Variants in NRP1 observed in about 807,000 individuals in gnomAD.
NRP1 encodes neuropilin-1.
Under a neutral mutation model 106.7 loss-of-function variants are expected in NRP1, and 35 were observed. That is an observed-to-expected ratio of 0.33 (90% CI 0.25 to 0.43). NRP1 has a LOEUF of 0.43. Among genes scored for constraint, NRP1 ranks in the 20% least tolerant of loss-of-function variants. The pLI, the probability that NRP1 is intolerant of heterozygous loss-of-function variation, is 1.00. For missense variants in NRP1, 1,024 were observed against 1,170.4 expected (o/e 0.87, Z 1.83); for synonymous variants, 437 against 417.9 (o/e 1.05, Z -0.56).
intron 6 of NRP1, among the ~76,000 whole-genome samples, chr10:33,242,598 T>G (rs1841106247): frequency 6.6e-6 from 1 of 152,220 alleles, no homozygotes; most frequent in Non-Finnish European, 1.5e-5. Context: ...CAAAAAATTT[T>G]TCTTCAGTAT....
intron 10 of NRP1, among the ~76,000 whole-genome samples, chr10:33,206,794 G>A (rs910331476): frequency 6.6e-6 from 1 of 152,068 alleles, no homozygotes; most frequent in Non-Finnish European, 1.5e-5. Context: ...TATATTAAAC[G>A]GTACAATAAC....
chr10:33,268,920 C>T (rs1235945385), intron 3 of NRP1, among the ~76,000 whole-genome samples: 1 of 152,162 alleles, frequency 6.6e-6, no homozygotes, highest in East Asian at 1.9e-4. Flanking sequence ...CATCTATTCC[C>T]TATTTATGTG....
intron 16 of NRP1, among the ~76,000 whole-genome samples, chr10:33,180,797 C>T (rs1588674299): frequency 1.3e-5 from 2 of 152,208 alleles, no homozygotes; most frequent in Non-Finnish European, 2.9e-5. Flanking sequence ...TTCATGGCTG[C>T]CCTTCTACGT....
intron 6 of NRP1, among the ~76,000 whole-genome samples, chr10:33,243,163 A>G (rs7920615): frequency 0.47 from 71,664 of 151,920 alleles, 19,348 homozygotes; most frequent in African/African-American, 0.74. Context: ...CCGCGAGTGA[A>G]GTTTCTATGT....
At chr10:33,321,535 T>C (rs186747406) in intron 2 of NRP1, among the ~76,000 whole-genome samples, 2 of 152,356 alleles carry the variant, frequency 1.3e-5, no homozygotes, top group East Asian at 3.9e-4. Flanking sequence ...TTTTTTAATC[T>C]TTAAGTCAAG....
chr10:33,209,268 G>T (rs1345934664), intron 9 of NRP1, among the ~76,000 whole-genome samples: 1 of 152,134 alleles, frequency 6.6e-6, no homozygotes, highest in Non-Finnish European at 1.5e-5. Flanking sequence ...ACAAATGAAG[G>T]TAAATTCTCC....
At chr10:33,251,873 G>C (rs368650893) in intron 6 of NRP1, among the ~76,000 whole-genome samples, 2 of 152,058 alleles carry the variant, frequency 1.3e-5, no homozygotes, top group Non-Finnish European at 2.9e-5. Context: ...GCAAGAGCGC[G>C]GTCCCTTTAA....
At chr10:33,326,917 TG>T (rs749142782) in intron 2 of NRP1, among the ~76,000 whole-genome samples, 2 of 152,214 alleles carry the variant, frequency 1.3e-5, no homozygotes, top group Admixed American at 6.5e-5. Flanking sequence ...TATGAAATGA[TG>T]TTTTTTACCT....
At position 33,177,812 on chromosome 10, in the gene NRP1, A is replaced by T. The variant is rs1357413735; in HGVS notation, c.*2264T>A. 1 of 152,628 alleles carries T rather than the reference A, an allele frequency of 6.6e-6. No individual in the cohort carries two copies. The highest frequency in any genetic ancestry group is 1.5e-5 in the Non-Finnish European group (1 of 68,042). 9.5% of individuals were successfully genotyped at this position (152,628 alleles called of 1,614,324 possible). A position where few individuals can be genotyped will look rare whatever the true frequency, so the allele number is the denominator to read the frequency against. On this transcript the variant is annotated 3_prime_UTR_variant, in exon 17 of 17. Coordinates refer to ENST00000374867, the MANE Select transcript of NRP1 (RefSeq NM_003873.7). The stretch of plus-strand genomic sequence containing the variant: ...GTTTTATAGATTTCCATAAAGAAAA[A>T]ATATGTTATTTTACACCTTTAAAAA...
intron 6 of NRP1, among the ~76,000 whole-genome samples, chr10:33,246,130 CTTT>C (rs59011940): frequency 7.1e-6 from 1 of 141,432 alleles, no homozygotes; most frequent in African/African-American, 2.6e-5. Flanking sequence ...TAATTTCTTT[CTTT>C]TTTTTTTTTT....
At position 33,202,306 on chromosome 10, in the gene NRP1, T is replaced by C. The variant is rs1457990583; in HGVS notation, c.1864+585A>G. The C allele has an allele frequency of 2.4e-5, 5 of 212,362 alleles. No homozygotes were observed. The Admixed American group carries it at 2.7e-4, about 11-fold the overall frequency. 13.2% of individuals were successfully genotyped at this position (212,362 alleles called of 1,614,324 possible). ...GAGATTAGAGAGTAATACTCTAGAT[T>C]AATTAGTGAGACATTTGGCACACAA... On this transcript the variant is annotated intron_variant, in intron 11 of 16. Coordinates refer to ENST00000374867, the MANE Select transcript of NRP1 (RefSeq NM_003873.7).
intron 2 of NRP1, among the ~76,000 whole-genome samples, chr10:33,289,379 G>T (rs2132616156): frequency 6.6e-6 from 1 of 152,224 alleles, no homozygotes; most frequent in Non-Finnish European, 1.5e-5. Flanking sequence ...GTGATAATAG[G>T]TATTACGTCT....
intron 2 of NRP1, among the ~76,000 whole-genome samples, chr10:33,296,330 C>T (rs985344536): frequency 1.3e-5 from 2 of 152,154 alleles, no homozygotes; most frequent in African/African-American, 4.8e-5. Flanking sequence ...GTTCTGGAGC[C>T]TTCTGGTCTC....
intron 2 of NRP1, among the ~76,000 whole-genome samples, chr10:33,302,611 T>C (rs1564470385): frequency 6.6e-6 from 1 of 152,180 alleles, no homozygotes. Context: ...GAGAAGTAAG[T>C]TGCAGCTGCT....
At chr10:33,188,932 T>TATATATAC (rs1836217128) in intron 13 of NRP1, among the ~76,000 whole-genome samples, 1 of 144,094 alleles carries the variant, frequency 6.9e-6, no homozygotes, top group African/African-American at 2.6e-5. Context: ...TATATATATA[T>TATATATAC]ATATAAATTA....
intron 2 of NRP1, among the ~76,000 whole-genome samples, chr10:33,327,221 T>G (rs1847954234): frequency 6.6e-6 from 1 of 152,172 alleles, no homozygotes. Context: ...GTATGTTTAG[T>G]TTCATATTTC....
intron 8 of NRP1, among the ~76,000 whole-genome samples, chr10:33,215,494 T>C (rs1303687313): frequency 6.6e-6 from 1 of 152,248 alleles, no homozygotes; most frequent in Non-Finnish European, 1.5e-5. Context: ...CAGTTGTTGA[T>C]GAATTCAACG....
At chr10:33,272,926 G>A (rs935884607) in intron 2 of NRP1, among the ~76,000 whole-genome samples, 7 of 152,028 alleles carry the variant, frequency 4.6e-5, no homozygotes, top group African/African-American at 1.2e-4. Context: ...CATTTCTGTT[G>A]AGGATACGTT....
chr10:33,264,976 C>G (rs1476472977), intron 3 of NRP1, among the ~76,000 whole-genome samples: 1 of 151,824 alleles, frequency 6.6e-6, no homozygotes, highest in African/African-American at 2.4e-5. Flanking sequence ...TGGGCGTGGT[C>G]GTGGGCACCT....
Sources: gnomAD v4.1 joint callset for allele counts (sites outside exome capture counted in the v4.1 genomes callset) on GRCh38, gnomAD v4.1.1 for gene constraint, MANE v1.5 for transcripts, NCBI Gene and HGNC (gene_info 2026-07-23, HGNC 2026-07-21) for gene names.